The following AKAP7 variants were observed in gnomAD, a reference collection of about 807,000 sequenced individuals.
AKAP7 encodes A-kinase anchoring protein 7.
In AKAP7, 39 loss-of-function variants were observed where a neutral mutation model predicts 39.5. The ratio of observed to expected loss-of-function variants is 0.99; its 90% CI spans 0.76 to 1.29. The LOEUF (loss-of-function observed/expected upper bound fraction) is 1.29. Ranked by LOEUF, AKAP7 falls within the 50% of genes most tolerant of loss-of-function variation. AKAP7 has a pLI of 0.00. For synonymous variants in AKAP7, 140 were observed against 139.1 expected (o/e 1.01, Z -0.05); for missense variants, 414 against 407.7 (o/e 1.02, Z -0.13).
At chr6:131,192,704 C>T (rs1035768724) in intron 5 of AKAP7, among the ~76,000 whole-genome samples, 1 of 152,106 alleles carries the variant, frequency 6.6e-6, no homozygotes, top group African/African-American at 2.4e-5. Flanking sequence ...ATTGATTCTT[C>T]CAATCCATGA....
rs758349500 is a variant in AKAP7, at chr6:131,160,055, C to G, written c.152-4C>G. The stretch of plus-strand genomic sequence containing the variant: ...AGACGTATTGTTTGACTTTTTTCCT[C>G]TAGTCACTGATGAACCTCAAATAAA... On this transcript the variant is annotated splice_region_variant and splice_polypyrimidine_tract_variant and intron_variant, in intron 2 of 7. Coordinates refer to ENST00000431975, the MANE Select transcript of AKAP7 (RefSeq NM_016377.4). 13 of 1,571,186 alleles carry G rather than the reference C, an allele frequency of 8.3e-6. No individual in the cohort carries two copies. Among genetic ancestry groups the G allele is most frequent in the Non-Finnish European group, 1.1e-5 (13 of 1,166,774 alleles).
chr6:131,157,501 T>TA (rs1182062019), intron 2 of AKAP7, among the ~76,000 whole-genome samples: 1 of 152,260 alleles, frequency 6.6e-6, no homozygotes, highest in African/African-American at 2.4e-5. Context: ...CATATTTTGT[T>TA]ACTTCTGTTT....
At chr6:131,159,966 A>G in intron 2 of AKAP7, 93 bp from the exon 3 acceptor site, 7 of 1,152,690 alleles carry the variant, frequency 6.1e-6, no homozygotes, top group Middle Eastern at 2.8e-4. Flanking sequence ...ACACTGATGA[A>G]TGATTGCTAC....
At chr6:131,185,239 C>T (rs1805717296) in intron 5 of AKAP7, 4 of 469,250 alleles carry the variant, frequency 8.5e-6, no homozygotes, top group Admixed American at 6.0e-5. Flanking sequence ...CAGGGGTGGG[C>T]TCACCGCTTT....
chr6:131,154,282 T>C (rs1354637303), intron 2 of AKAP7, among the ~76,000 whole-genome samples: 2 of 152,150 alleles, frequency 1.3e-5, no homozygotes, highest in African/African-American at 4.8e-5. Flanking sequence ...GCTTGCAATT[T>C]GGGAAAAAAA....
intron 7 of AKAP7, among the ~76,000 whole-genome samples, chr6:131,259,326 G>A (rs892075246): frequency 2.6e-5 from 4 of 152,124 alleles, no homozygotes; most frequent in African/African-American, 9.7e-5. Context: ...TAGAGTACTG[G>A]CCAGCTGGAG....
At chr6:131,264,737 C>G (rs752471212) in intron 7 of AKAP7, among the ~76,000 whole-genome samples, 1 of 152,136 alleles carries the variant, frequency 6.6e-6, no homozygotes, top group Non-Finnish European at 1.5e-5. Context: ...CATTGGCTCA[C>G]AGTTCTGCAC....
At chr6:131,262,635 A>G (rs373570002) in intron 7 of AKAP7, among the ~76,000 whole-genome samples, 4 of 151,910 alleles carry the variant, frequency 2.6e-5, no homozygotes, top group Admixed American at 6.5e-5. Flanking sequence ...ATATATTGCA[A>G]TAATTCAAGT....
chr6:131,237,896 T>C (rs1811207126), intron 7 of AKAP7, among the ~76,000 whole-genome samples: 1 of 152,214 alleles, frequency 6.6e-6, no homozygotes, highest in African/African-American at 2.4e-5. Context: ...TTTTTGTGTC[T>C]CTATTTCCTT....
chr6:131,216,559 C>T (rs189903642), intron 6 of AKAP7, among the ~76,000 whole-genome samples: 15 of 152,290 alleles, frequency 9.8e-5, no homozygotes, highest in African/African-American at 3.6e-4. Flanking sequence ...TGTATTTGAA[C>T]ATCGCTGATA....
intron 6 of AKAP7, among the ~76,000 whole-genome samples, chr6:131,217,667 C>T (rs1809308440): frequency 6.6e-6 from 1 of 152,102 alleles, no homozygotes; most frequent in Non-Finnish European, 1.5e-5. Flanking sequence ...AAAATTCTTG[C>T]AAAACAGTTA....
intron 5 of AKAP7, among the ~76,000 whole-genome samples, chr6:131,178,365 A>G (rs1437823316): frequency 6.6e-6 from 1 of 152,234 alleles, no homozygotes; most frequent in East Asian, 1.9e-4. Flanking sequence ...AGTGCTTAGC[A>G]CAGTATTGGG....
At chr6:131,150,802 A>G (rs2128230634) in intron 2 of AKAP7, among the ~76,000 whole-genome samples, 1 of 152,292 alleles carries the variant, frequency 6.6e-6, no homozygotes, top group Non-Finnish European at 1.5e-5. Flanking sequence ...TGGCATAATA[A>G]TGGTAGCTGT....
At chr6:131,217,621 T>C (rs80327315) in intron 6 of AKAP7, among the ~76,000 whole-genome samples, 18,669 of 152,156 alleles carry the variant, frequency 0.12, 1,333 homozygotes, top group Non-Finnish European at 0.15. Context: ...TAGTAAAAAT[T>C]AACTCCTAAA....
At chr6:131,239,083 G>A (rs1322176481) in intron 7 of AKAP7, among the ~76,000 whole-genome samples, 1 of 152,176 alleles carries the variant, frequency 6.6e-6, no homozygotes, top group Non-Finnish European at 1.5e-5. Context: ...TCCTTCAGGA[G>A]CTCTTTTAGG....
chr6:131,227,779 C>T (rs1341333938), intron 7 of AKAP7, among the ~76,000 whole-genome samples: 1 of 152,176 alleles, frequency 6.6e-6, no homozygotes, highest in East Asian at 1.9e-4. Context: ...ACTTTATGGG[C>T]TGAAACACTA....
chr6:131,177,875 C>T (rs897827202), intron 5 of AKAP7, among the ~76,000 whole-genome samples: 28 of 152,304 alleles, frequency 1.8e-4, no homozygotes, highest in African/African-American at 6.5e-4. Flanking sequence ...AGCTGAAACT[C>T]GGCTCTTACC....
At position 131,135,605 on chromosome 6, in the gene AKAP7, C is replaced by T. The variant is rs1391221181; in HGVS notation, c.-159C>T. ...AGGCCTGGCCTCCGCCGCCCGGGCC[C>T]CCGCAGCCTGTCGCTGGACCCCGCG... On this transcript the variant is annotated 5_prime_UTR_variant, in exon 1 of 8. Transcript: ENST00000431975. The T allele has an allele frequency of 3.5e-6, 2 of 575,658 alleles. No homozygotes were observed. The highest frequency in any genetic ancestry group is 2.0e-5 in the African/African-American group (1 of 48,944). The allele number at this position is 575,658 out of a possible 1,614,324, so 35.7% of individuals were successfully genotyped here. A position where few individuals can be genotyped will look rare whatever the true frequency, so the allele number is the denominator to read the frequency against.
intron 7 of AKAP7, among the ~76,000 whole-genome samples, chr6:131,238,334 T>A (rs191877273): frequency 2.2e-4 from 34 of 152,326 alleles, no homozygotes; most frequent in African/African-American, 6.7e-4. Context: ...AACTAAGTGG[T>A]CAATTTTGGA....
Sources: allele counts gnomAD v4.1 joint callset (sites outside exome capture counted in the v4.1 genomes callset), GRCh38; gene constraint gnomAD v4.1.1; transcripts MANE v1.5; gene names NCBI Gene and HGNC (gene_info 2026-07-23, HGNC 2026-07-21).